LRRC4B: variants seen among roughly 807,000 people sequenced by gnomAD.
LRRC4B encodes leucine-rich repeat-containing protein 4B.
LRRC4B carries 1 observed loss-of-function variant against 7.3 expected under a neutral mutation model. The ratio of observed to expected loss-of-function variants is 0.14; its 90% CI spans 0.05 to 0.65. The LOEUF is 0.65. Ranked by LOEUF, LRRC4B falls within the 30% of genes least tolerant of loss-of-function variation. LRRC4B has a pLI of 0.84. For synonymous variants in LRRC4B, 500 were observed against 499.2 expected (o/e 1.00, Z -0.02); for missense variants, 730 against 1,041.6 (o/e 0.70, Z 4.12).
chr19:50,561,741 A>G (rs1982469963), intron 1 of LRRC4B, among the ~76,000 whole-genome samples: 3 of 151,824 alleles, frequency 2.0e-5, no homozygotes, highest in African/African-American at 4.8e-5. Flanking sequence ...TTCTCCCCCA[A>G]CTCCAAAAGT....
At chr19:50,550,404 G>A (rs144686073) in intron 1 of LRRC4B, among the ~76,000 whole-genome samples, 1,703 of 151,346 alleles carry the variant, frequency 0.011, 21 homozygotes, top group Middle Eastern at 0.034. Context: ...CACGCACACC[G>A]ACCCACTCAC....
Position 50,517,632 on chromosome 19 carries a change from A to T in LRRC4B, c.2081T>A (p.Ile694Asn), listed in dbSNP as rs1276950476. 6 of 1,487,980 alleles carry T rather than the reference A, an allele frequency of 4.0e-6. No individual in the cohort carries two copies. Among genetic ancestry groups the T allele is most frequent in the Non-Finnish European group, 5.3e-6 (6 of 1,121,798 alleles). 92.2% of individuals were successfully genotyped at this position (1,487,980 alleles called of 1,614,324 possible). ...GGKGPPGLNSIHEPLLFKSGS... is the reference protein window; with the variant it reads ...GGKGPPGLNSNHEPLLFKSGS... Reference sequence around the variant, plus strand: ...GCTCTTGAAGAGCAGAGGTTCGTGGATGGAGTTGAGGCCAGGCGGGCCTTT... The same window carrying T: ...GCTCTTGAAGAGCAGAGGTTCGTGGTTGGAGTTGAGGCCAGGCGGGCCTTT... Residue 694 changes from isoleucine (I) to asparagine (N), a missense_variant, in exon 3 of 3, where the codon ATC becomes AAC. Ile to Asn is a moderately radical substitution (Grantham distance 149). This residue lies in a region of LRRC4B where 160 missense variants were observed against 163.9 expected (regional missense o/e 0.98). Transcript: ENST00000652263. The surrounding 1 kb of genome is among the most constrained non-coding windows in gnomAD (Gnocchi z 6.6).
At chr19:50,534,217 C>A (rs566867851) in intron 2 of LRRC4B, among the ~76,000 whole-genome samples, 5 of 152,284 alleles carry the variant, frequency 3.3e-5, no homozygotes, top group Admixed American at 2.0e-4. Context: ...ATTTAACCAG[C>A]AAAGGTGTAC....
At chr19:50,527,181 C>T (rs556126859) in intron 2 of LRRC4B, among the ~76,000 whole-genome samples, 7 of 151,626 alleles carry the variant, frequency 4.6e-5, no homozygotes, top group South Asian at 4.2e-4. Context: ...TACAGGCACC[C>T]GCCACCACTC....
At chr19:50,545,933 A>G (rs1182340721) in intron 2 of LRRC4B, among the ~76,000 whole-genome samples, 1 of 151,868 alleles carries the variant, frequency 6.6e-6, no homozygotes, top group Non-Finnish European at 1.5e-5. Flanking sequence ...TGTGTGGCTC[A>G]GGCTGGTCTT....
rs533432888 is a variant in LRRC4B, at chr19:50,519,633, T to G, written c.298-218A>C. Among the ~76,000 whole-genome samples the G allele has an allele frequency of 6.6e-6, 1 of 152,226 alleles. No homozygotes were observed. Among genetic ancestry groups the G allele is most frequent in the South Asian group, 2.1e-4 (1 of 4,828 alleles). ...GGCTCACGCCTGTAATCTCAGCACT[T>G]TGGGAGGCCGAGGCAGGTGGATCAC... On this transcript the variant is annotated intron_variant, in intron 2 of 2. Coordinates refer to ENST00000652263, the MANE Select transcript of LRRC4B (RefSeq NM_001080457.2). The surrounding 1 kb of genome is among the most constrained non-coding windows in gnomAD (Gnocchi z 8.1).
rs377729910 is a variant in LRRC4B, at chr19:50,552,683, T to TCCATCCATCCATCCATCCATCCAC, written c.-35-3811_-35-3810insGTGGATGGATGGATGGATGGATGG. 6.3e-4 allele frequency among the ~76,000 whole-genome samples: 76 copies of TCCATCCATCCATCCATCCATCCAC among 121,442 alleles called. 2 individuals carry two copies. Among genetic ancestry groups the TCCATCCATCCATCCATCCATCCAC allele is most frequent in the Non-Finnish European group, 1.0e-3 (59 of 58,056 alleles). 79.7% of individuals were successfully genotyped at this position (121,442 alleles called of 152,430 possible). On this transcript the variant is annotated intron_variant, in intron 1 of 2. Coordinates refer to ENST00000652263, the MANE Select transcript of LRRC4B (RefSeq NM_001080457.2). ...ATCCATCCATCCATCCATCCATCCA[T>TCCATCCATCCATCCATCCATCCAC]CCATCCGTCCATCCATCCGCCCATC...
intron 1 of LRRC4B, among the ~76,000 whole-genome samples, chr19:50,562,757 G>A (rs79739031): frequency 1.1e-4 from 14 of 131,404 alleles, no homozygotes; most frequent in Admixed American, 3.0e-4. Context: ...TTTTTTTTTG[G>A]CGATGGAGTT....
intron 2 of LRRC4B, among the ~76,000 whole-genome samples, chr19:50,534,341 C>A (rs1170725249): frequency 1.3e-5 from 2 of 152,190 alleles, no homozygotes; most frequent in Non-Finnish European, 2.9e-5. Flanking sequence ...TGTCATCACC[C>A]TCATGGCCCT....
At chr19:50,544,918 C>G (rs577323607) in intron 2 of LRRC4B, among the ~76,000 whole-genome samples, 245 of 152,158 alleles carry the variant, frequency 1.6e-3, no homozygotes, top group African/African-American at 5.6e-3. Flanking sequence ...CGAGACCATC[C>G]TGGCTAACAC....
At chr19:50,521,410 T>A (rs551038163) in intron 2 of LRRC4B, among the ~76,000 whole-genome samples, 54 of 152,244 alleles carry the variant, frequency 3.5e-4, no homozygotes, top group Non-Finnish European at 7.2e-4. Context: ...TTTTATTCCA[T>A]GCCAGTGATA....
intron 1 of LRRC4B, among the ~76,000 whole-genome samples, chr19:50,558,236 CACAT>C (rs1317485562): frequency 1.9e-4 from 29 of 150,974 alleles, no homozygotes; most frequent in East Asian, 7.8e-4. Context: ...CATACACACA[CACAT>C]ACATACATAC....
At chr19:50,545,721 CTTTTTTTTTT>C (rs532216155) in intron 2 of LRRC4B, among the ~76,000 whole-genome samples, 2 of 131,968 alleles carry the variant, frequency 1.5e-5, no homozygotes, top group South Asian at 2.5e-4. Context: ...AGAGTTATTA[CTTTTTTTTTT>C]TTTTTTTTTT....
Position 50,540,964 on chromosome 19 carries a change from A to C in LRRC4B, c.297+7578T>G, listed in dbSNP as rs1034853269. ...TTTGGGAGGCCAAAGCAGGCGGATCATGAGGTCAGGAGATCGAGACCATCC... is the reference window on the plus strand; with the variant it reads ...TTTGGGAGGCCAAAGCAGGCGGATCCTGAGGTCAGGAGATCGAGACCATCC... On this transcript the variant is annotated intron_variant, in intron 2 of 2. Transcript: ENST00000652263. Among the ~76,000 whole-genome samples, 3 of 151,808 alleles carry C rather than the reference A, an allele frequency of 2.0e-5. No individual in the cohort carries two copies. The South Asian group carries it at 6.3e-4, about 32-fold the overall frequency.
chr19:50,521,113 A>G (rs924684408), intron 2 of LRRC4B, among the ~76,000 whole-genome samples: 1 of 152,184 alleles, frequency 6.6e-6, no homozygotes, highest in African/African-American at 2.4e-5. Flanking sequence ...CAGCTCAGCC[A>G]TGAAAGGGAC....
chr19:50,549,463 C>G (rs948437992), intron 1 of LRRC4B, among the ~76,000 whole-genome samples: 14 of 152,178 alleles, frequency 9.2e-5, no homozygotes, highest in South Asian at 2.1e-4. Flanking sequence ...TTTCCCCCAC[C>G]CCCTGTGCCC....
Position 50,518,005 on chromosome 19 carries a change from C to A in LRRC4B, c.1708G>T (p.Asp570Tyr). Residue 570 changes from aspartate to tyrosine, a missense_variant, in exon 3 of 3, where the codon GAC (aspartate) becomes TAC (tyrosine). Asp to Tyr is a radical substitution (Grantham distance 160, BLOSUM62 -3). This residue lies in a region of LRRC4B where 192 missense variants were observed against 228.6 expected (regional missense o/e 0.84). Coordinates refer to ENST00000652263, the MANE Select transcript of LRRC4B (RefSeq NM_001080457.2). ...ATGATTTTGGTGGTCTTCATGACGT[C>A]GTCCAGGTCCTTGAGGGCGTTCTCC... ...VTENALKDLDDVMKTTKIIIG... is the reference protein window; with the variant it reads ...VTENALKDLDYVMKTTKIIIG... 1 of 1,542,000 alleles carries A rather than the reference C, an allele frequency of 6.5e-7. No homozygotes were observed. The highest frequency in any genetic ancestry group is 2.1e-5 in the Admixed American group (1 of 46,992).
intron 1 of LRRC4B, among the ~76,000 whole-genome samples, chr19:50,557,124 G>A (rs1982304544): frequency 6.6e-6 from 1 of 152,146 alleles, no homozygotes; most frequent in African/African-American, 2.4e-5. Flanking sequence ...CCACGGGGAT[G>A]GAGAGAAGGG....
intron 2 of LRRC4B, among the ~76,000 whole-genome samples, chr19:50,542,417 C>G (rs1032269638): frequency 1.3e-5 from 2 of 151,758 alleles, no homozygotes; most frequent in African/African-American, 4.8e-5. Flanking sequence ...GCAGGCCCCA[C>G]CAATCTCAAA....
Sources: gnomAD v4.1 joint callset for allele counts (sites outside exome capture counted in the v4.1 genomes callset) on GRCh38, gnomAD v4.1.1 for gene constraint, gnomAD v4.1.1 regional missense constraint, Gnocchi (gnomAD v3.1) non-coding constraint, MANE v1.5 for transcripts, NCBI Gene and HGNC (gene_info 2026-07-23, HGNC 2026-07-21) for gene names.